Variants in SEL1L2 observed in about 807,000 individuals in gnomAD.
The protein encoded by SEL1L2 is SEL1L2 adaptor subunit of SYVN1 ubiquitin ligase.
SEL1L2 carries 89 observed loss-of-function variants against 98.8 expected under a neutral mutation model. The ratio of observed to expected loss-of-function variants is 0.90; its 90% CI spans 0.76 to 1.07. The LOEUF (loss-of-function observed/expected upper bound fraction) is 1.07. Ranked by LOEUF, SEL1L2 falls within the 50% of genes least tolerant of loss-of-function variation. SEL1L2 has a pLI of 0.00. For synonymous variants in SEL1L2, 262 were observed against 278.5 expected, an observed-to-expected ratio of 0.94 and a Z score of 0.59; for missense variants, 788 against 812.0, an observed-to-expected ratio of 0.97 and a Z score of 0.36.
At chr20:13,887,726 T>A (rs1360648488) in intron 8 of SEL1L2, 43 bp downstream of exon 8, 2 of 1,265,234 alleles carry the variant, frequency 1.6e-6, no homozygotes, top group East Asian at 4.6e-5. Context: ...TTCTAATTCC[T>A]TGGCAACTGT....
At chr20:13,928,977 G>A (rs2049011338) in intron 3 of SEL1L2, among the ~76,000 whole-genome samples, 1 of 152,154 alleles carries the variant, frequency 6.6e-6, no homozygotes, top group African/African-American at 2.4e-5. Flanking sequence ...TTGCCGTGAT[G>A]CTGTTTTGTA....
At chr20:13,885,848 A>G (rs2046926084) in intron 9 of SEL1L2, among the ~76,000 whole-genome samples, 1 of 152,146 alleles carries the variant, frequency 6.6e-6, no homozygotes, top group African/African-American at 2.4e-5. Flanking sequence ...ATCCTGGCTA[A>G]CATGGTGAAA....
At chr20:13,888,961 CT>C (rs35149100) in intron 5 of SEL1L2, among the ~76,000 whole-genome samples, 11,452 of 127,814 alleles carry the variant, frequency 0.09, 479 homozygotes, top group African/African-American at 0.11. Flanking sequence ...CTTTTCTTTT[CT>C]TTTTTTTTTT....
intron 3 of SEL1L2, among the ~76,000 whole-genome samples, chr20:13,926,302 G>A (rs374848760): frequency 3.3e-5 from 5 of 149,904 alleles, no homozygotes; most frequent in Non-Finnish European, 5.9e-5. Context: ...GCGACAGAGC[G>A]AGACTCCGTT....
At chr20:13,881,975 A>G (rs958774302) in intron 10 of SEL1L2, among the ~76,000 whole-genome samples, 6 of 152,142 alleles carry the variant, frequency 3.9e-5, no homozygotes, top group Non-Finnish European at 8.8e-5. Flanking sequence ...TGGATTTGCA[A>G]ATTACCCTGG....
At chr20:13,991,689 C>G (rs901721531), upstream of SEL1L2, among the ~76,000 whole-genome samples, 4 of 152,178 alleles carry the variant, frequency 2.6e-5, no homozygotes, top group African/African-American at 7.2e-5. Context: ...CAATCTCTCT[C>G]TCTCTCAAGA....
At chr20:13,981,178 G>T (rs1247390852) in intron 1 of SEL1L2, among the ~76,000 whole-genome samples, 1 of 152,136 alleles carries the variant, frequency 6.6e-6, no homozygotes, top group African/African-American at 2.4e-5. Flanking sequence ...GGAGGTGGAG[G>T]TTGCAGTGAG....
intron 2 of SEL1L2, among the ~76,000 whole-genome samples, chr20:13,948,265 C>A (rs11905875): frequency 6.7e-6 from 1 of 150,358 alleles, no homozygotes; most frequent in Non-Finnish European, 1.5e-5. Flanking sequence ...GATATTTTTT[C>A]TAAAATTCAA....
At chr20:13,942,441 G>A (rs746814783) in intron 2 of SEL1L2, among the ~76,000 whole-genome samples, 17 of 152,122 alleles carry the variant, frequency 1.1e-4, no homozygotes, top group African/African-American at 3.6e-4. Flanking sequence ...TCTGTTAGAC[G>A]TGCAAATTAT....
At chr20:13,975,682 T>C (rs897826005) in intron 1 of SEL1L2, among the ~76,000 whole-genome samples, 3 of 152,214 alleles carry the variant, frequency 2.0e-5, no homozygotes, top group African/African-American at 7.2e-5. Context: ...AAATGCCAAG[T>C]TCTACAATGA....
intron 18 of SEL1L2, among the ~76,000 whole-genome samples, chr20:13,855,316 G>A (rs1416357809): frequency 6.6e-6 from 1 of 152,106 alleles, no homozygotes; most frequent in East Asian, 1.9e-4. Flanking sequence ...GGCTTTGAAT[G>A]TGGAATAGAA....
At chr20:13,857,300 A>C (rs1047764560) in intron 18 of SEL1L2, among the ~76,000 whole-genome samples, 1 of 152,162 alleles carries the variant, frequency 6.6e-6, no homozygotes. Flanking sequence ...ATGATTTAAC[A>C]AGAACCCTGG....
intron 2 of SEL1L2, among the ~76,000 whole-genome samples, chr20:13,951,410 C>T (rs920904384): frequency 2.1e-4 from 29 of 138,240 alleles, no homozygotes; most frequent in African/African-American, 7.5e-4. Context: ...GTCAGGAGAT[C>T]GAAACACAGT....
At chr20:13,983,528 G>GT (rs1484379932) in intron 1 of SEL1L2, among the ~76,000 whole-genome samples, 29 of 150,044 alleles carry the variant, frequency 1.9e-4, no homozygotes, top group South Asian at 1.1e-3. Context: ...TTTTGTTTTT[G>GT]TTTTTTTTTG....
upstream of SEL1L2, chr20:13,990,655 T>C (rs2052503731): frequency 8.1e-6 from 6 of 737,590 alleles, no homozygotes; most frequent in Admixed American, 1.3e-4. Context: ...ACCATTTCCT[T>C]ACTCTTGGGC....
intron 1 of SEL1L2, among the ~76,000 whole-genome samples, chr20:13,978,931 C>T (rs1021057832): frequency 2.0e-5 from 3 of 151,962 alleles, no homozygotes; most frequent in African/African-American, 4.8e-5. Context: ...TGATCGTGCA[C>T]GCCTGTAATT....
chr20:13,860,578 G>T (rs1989950377), intron 17 of SEL1L2, among the ~76,000 whole-genome samples: 1 of 151,988 alleles, frequency 6.6e-6, no homozygotes, highest in Non-Finnish European at 1.5e-5. Context: ...TCAAACTCTT[G>T]TCTGACTCCT....
intron 10 of SEL1L2, among the ~76,000 whole-genome samples, chr20:13,879,484 T>C (rs2046594569): frequency 6.6e-6 from 1 of 151,896 alleles, no homozygotes; most frequent in South Asian, 2.1e-4. Flanking sequence ...CCTGAGTAGG[T>C]GGGACTACAG....
intron 3 of SEL1L2, chr20:13,928,271 A>G (rs2048982897): frequency 6.6e-6 from 1 of 152,164 alleles, no homozygotes; most frequent in African/African-American, 2.4e-5. Context: ...CTGTAGGGCA[A>G]TGTCTTTCCA....
Sources: gnomAD v4.1 joint callset for allele counts (sites outside exome capture counted in the v4.1 genomes callset) on GRCh38, gnomAD v4.1.1 for gene constraint, MANE v1.5 for transcripts, NCBI Gene and HGNC (gene_info 2026-07-23, HGNC 2026-07-21) for gene names.